PDE1C: variants seen among roughly 807,000 people sequenced by gnomAD.
The protein encoded by PDE1C is dual specificity calcium/calmodulin-dependent 3',5'-cyclic nucleotide phosphodiesterase 1C.
Under a neutral mutation model 93.1 loss-of-function variants are expected in PDE1C, and 62 were observed. The ratio of observed to expected loss-of-function variants is 0.67; its 90% CI spans 0.54 to 0.82. PDE1C has a LOEUF of 0.82. Ranked by LOEUF, PDE1C falls within the 40% of genes least tolerant of loss-of-function variation. PDE1C has a pLI of 0.00. For missense variants in PDE1C, 742 were observed against 884.6 expected (o/e 0.84, Z 2.04); for synonymous variants, 325 against 310.1 (o/e 1.05, Z -0.50).
chr7:32,322,165 T>C (rs1488617385), intron 1 of PDE1C, among the ~76,000 whole-genome samples: 1 of 152,212 alleles, frequency 6.6e-6, no homozygotes, highest in Non-Finnish European at 1.5e-5. Context: ...ATCCAGTAAC[T>C]TGCTCAGGGT....
At chr7:31,632,585 T>C in the PDE1C span, among the ~76,000 whole-genome samples, 1 of 152,182 alleles carries the variant, frequency 6.6e-6, no homozygotes, top group Non-Finnish European at 1.5e-5. Flanking sequence ...GATTTCAAAA[T>C]AGAGACTGAT....
intron 2 of PDE1C, among the ~76,000 whole-genome samples, chr7:32,003,520 C>G (rs1343428339): frequency 6.6e-6 from 1 of 151,956 alleles, no homozygotes; most frequent in African/African-American, 2.4e-5. Flanking sequence ...ATCATGGAAG[C>G]CAGACTCATT....
intron 2 of PDE1C, among the ~76,000 whole-genome samples, chr7:31,919,753 C>T (rs900124274): frequency 6.6e-6 from 1 of 152,174 alleles, no homozygotes; most frequent in African/African-American, 2.4e-5. Flanking sequence ...ACCTTAAATG[C>T]TTGCCTAGGG....
rs758959185 is a variant in PDE1C, at chr7:31,753,441, A to G, written c.2073T>C (p.Asp691=). ...DEHPARYKML[D]QRIKMKKIQN... is the part of the protein sequence containing the mutation. ...GAATCTTTTTCATTTTGATCCTCTG[A>G]TCCAGCATCTTGTACCTTGCAGGAT... Residue 691 remains aspartate, a synonymous_variant, in exon 18 of 18, where the codon GAT becomes GAC. Transcript: ENST00000396191. 6.2e-7 allele frequency: 1 copy of G among 1,612,622 alleles called. No homozygotes were observed.
At chr7:32,039,489 C>A (rs1791547043) in intron 2 of PDE1C, among the ~76,000 whole-genome samples, 1 of 152,130 alleles carries the variant, frequency 6.6e-6, no homozygotes, top group Non-Finnish European at 1.5e-5. Context: ...GTAGAAAAGT[C>A]AACACAAAGT....
intron 3 of PDE1C, among the ~76,000 whole-genome samples, chr7:32,158,648 C>T (rs1801722195): frequency 6.6e-6 from 1 of 152,206 alleles, no homozygotes; most frequent in Non-Finnish European, 1.5e-5. Context: ...CACTGTTCTC[C>T]AGCTCCATTA....
intron 3 of PDE1C, among the ~76,000 whole-genome samples, chr7:32,120,547 T>C (rs1357624047): frequency 2.0e-5 from 3 of 152,132 alleles, no homozygotes; most frequent in African/African-American, 7.2e-5. Context: ...TTTGTTGTTC[T>C]CCATCCTCCT....
intron 2 of PDE1C, among the ~76,000 whole-genome samples, chr7:31,995,523 C>T (rs762704651): frequency 1.6e-4 from 25 of 152,168 alleles, no homozygotes; most frequent in Non-Finnish European, 2.9e-4. Flanking sequence ...TTTAAAATTA[C>T]AACATAATTA....
At chr7:31,851,530 A>G (rs1793345047) in intron 7 of PDE1C, among the ~76,000 whole-genome samples, 1 of 152,110 alleles carries the variant, frequency 6.6e-6, no homozygotes, top group South Asian at 2.1e-4. Flanking sequence ...GACTCTGTGG[A>G]TTTACTTCCT....
At chr7:31,647,507 CAA>C in the PDE1C span, among the ~76,000 whole-genome samples, 83,220 of 139,804 alleles carry the variant, frequency 0.6, 24,575 homozygotes, top group African/African-American at 0.68. Context: ...ATTAAAACTA[CAA>C]AAAAAAAAAA....
the PDE1C span, among the ~76,000 whole-genome samples, chr7:31,726,548 T>C: frequency 6.6e-6 from 1 of 152,222 alleles, no homozygotes; most frequent in Non-Finnish European, 1.5e-5. Flanking sequence ...GGCCACTCTG[T>C]GTCCATGATA....
At chr7:31,637,581 G>T in the PDE1C span, among the ~76,000 whole-genome samples, 2 of 152,140 alleles carry the variant, frequency 1.3e-5, no homozygotes, top group Non-Finnish European at 2.9e-5. Flanking sequence ...TTTTGATGGG[G>T]TTGTTTGTTT....
chr7:32,103,378 G>T (rs1409976966), intron 3 of PDE1C, among the ~76,000 whole-genome samples: 1 of 152,082 alleles, frequency 6.6e-6, no homozygotes, highest in Non-Finnish European at 1.5e-5. Flanking sequence ...TGGAAAGTAG[G>T]GGTGAGGATG....
intron 3 of PDE1C, among the ~76,000 whole-genome samples, chr7:32,149,469 T>G (rs1801106731): frequency 6.6e-6 from 1 of 152,238 alleles, no homozygotes; most frequent in Non-Finnish European, 1.5e-5. Flanking sequence ...AAAATTATTC[T>G]AAATCTACAA....
At chr7:32,353,750 G>A (rs1002622655) in intron 1 of PDE1C, among the ~76,000 whole-genome samples, 5 of 151,240 alleles carry the variant, frequency 3.3e-5, no homozygotes. Flanking sequence ...CTGGAGCTTG[G>A]AGGAGTTTAT....
At chr7:32,218,650 G>A (rs1806610958) in intron 1 of PDE1C, among the ~76,000 whole-genome samples, 1 of 152,148 alleles carries the variant, frequency 6.6e-6, no homozygotes, top group African/African-American at 2.4e-5. Flanking sequence ...AATTTCATAA[G>A]TTTGCTTATT....
chr7:31,622,852 G>C, the PDE1C span, among the ~76,000 whole-genome samples: 1,131 of 152,222 alleles, frequency 7.4e-3, 4 homozygotes, highest in Non-Finnish European at 0.012. Context: ...AAAATTGATA[G>C]ACCGCTAGCA....
chr7:32,027,459 T>C (rs1282470665), intron 2 of PDE1C, among the ~76,000 whole-genome samples: 1 of 151,838 alleles, frequency 6.6e-6, no homozygotes, highest in African/African-American at 2.4e-5. Context: ...TATATGTGTG[T>C]TTAAATAGAT....
chr7:32,070,598 G>A (rs1045658904), upstream of PDE1C: 6 of 1,423,412 alleles, frequency 4.2e-6, no homozygotes, highest in Admixed American at 8.7e-5. Flanking sequence ...GTGCGCTCCG[G>A]AGGCAGCTGC....
Sources: allele counts gnomAD v4.1 joint callset (sites outside exome capture counted in the v4.1 genomes callset), GRCh38; gene constraint gnomAD v4.1.1; transcripts MANE v1.5; gene names NCBI Gene and HGNC (gene_info 2026-07-23, HGNC 2026-07-21).